The following ANO2 variants were observed in gnomAD, a reference collection of about 807,000 sequenced individuals.
ANO2 encodes anoctamin 2.
A neutral mutation model predicts 124.2 loss-of-function variants in ANO2; 101 were observed. The observed-to-expected ratio is 0.81, with a 90% CI of 0.69 to 0.96. The LOEUF is 0.96. Ranked by LOEUF, ANO2 falls within the 40% of genes least tolerant of loss-of-function variation. The probability of loss-of-function intolerance (pLI) is 0.00; values close to 1 mark genes in which losing one functional copy is unlikely to be tolerated. For missense variants in ANO2, 1,293 were observed against 1,274.5 expected (o/e 1.01, Z -0.22); for synonymous variants, 486 against 482.5 (o/e 1.01, Z -0.09).
chr12:5,707,633 C>G (rs948086675), intron 14 of ANO2, among the ~76,000 whole-genome samples: 1 of 152,144 alleles, frequency 6.6e-6, no homozygotes, highest in Admixed American at 6.5e-5. Context: ...TTCCCCACCC[C>G]CAGAGGATAC....
intron 3 of ANO2, 132 bp from the exon 4 acceptor site, chr12:5,854,273 T>C (rs373188971): frequency 4.0e-6 from 3 of 748,232 alleles, no homozygotes; most frequent in Non-Finnish European, 6.6e-6. Context: ...CTCTTTAAAA[T>C]TCACCAGGGA....
At chr12:5,659,845 G>T (rs1340495798) in intron 14 of ANO2, among the ~76,000 whole-genome samples, 1 of 152,148 alleles carries the variant, frequency 6.6e-6, no homozygotes, top group African/African-American at 2.4e-5. Context: ...CAGCTGTTCT[G>T]CTGTGTGCCC....
At chr12:5,758,817 T>G (rs1425725702) in intron 10 of ANO2, among the ~76,000 whole-genome samples, 2 of 152,176 alleles carry the variant, frequency 1.3e-5, no homozygotes, top group African/African-American at 4.8e-5. Flanking sequence ...TTATACACAA[T>G]GTATGGCATT....
intron 3 of ANO2, among the ~76,000 whole-genome samples, chr12:5,910,604 T>C (rs1009637409): frequency 6.6e-6 from 1 of 152,190 alleles, no homozygotes; most frequent in African/African-American, 2.4e-5. Context: ...GATGTAATTT[T>C]CTATCATTCA....
chr12:5,686,291 C>G (rs1253682440), intron 14 of ANO2, among the ~76,000 whole-genome samples: 2 of 152,220 alleles, frequency 1.3e-5, no homozygotes, highest in Non-Finnish European at 2.9e-5. Flanking sequence ...TCTTTAACCC[C>G]TATTTTCTGT....
At chr12:5,829,762 C>G (rs1260425861) in intron 6 of ANO2, among the ~76,000 whole-genome samples, 1 of 152,170 alleles carries the variant, frequency 6.6e-6, no homozygotes, top group African/African-American at 2.4e-5. Flanking sequence ...ACAGCTCATG[C>G]AGAGGCCACA....
At chr12:5,690,995 A>G (rs1415671794) in intron 14 of ANO2, among the ~76,000 whole-genome samples, 2 of 152,220 alleles carry the variant, frequency 1.3e-5, no homozygotes, top group Non-Finnish European at 2.9e-5. Context: ...CCCATCTCAC[A>G]GGAGCTTACA....
At chr12:5,938,612 G>A (rs1365960146) in intron 1 of ANO2, among the ~76,000 whole-genome samples, 3 of 152,040 alleles carry the variant, frequency 2.0e-5, no homozygotes, top group African/African-American at 7.2e-5. Context: ...CCTGAGGTCA[G>A]GAGTTCAAGA....
Position 5,563,378 on chromosome 12 carries a change from C to T in ANO2, c.2918G>A (p.Arg973Gln), listed in dbSNP as rs932573577. ...GCCTGAAGGTGCTGAGCTGGCTGCC[C>T]GGCTCCTGCTTCGATCCCCACCTCC... Reference protein sequence around the residue: ...SPGGGDRSRSRAASSAPSGQS... With the variant: ...SPGGGDRSRSQAASSAPSGQS... Residue 973 changes from arginine (R) to glutamine (Q), a missense_variant, in exon 25 of 25, where the codon CGG becomes CAG. Arg to Gln is a conservative substitution (Grantham distance 43). Transcript: ENST00000682330. 2.2e-5 allele frequency: 35 copies of T among 1,605,250 alleles called. No homozygotes were observed. The highest frequency in any genetic ancestry group is 3.4e-5 in the Admixed American group (2 of 58,980).
chr12:5,653,220 C>G (rs1296155760), intron 14 of ANO2, among the ~76,000 whole-genome samples: 1 of 152,208 alleles, frequency 6.6e-6, no homozygotes, highest in African/African-American at 2.4e-5. Context: ...GCCATCGTCA[C>G]TGGCCACTTC....
intron 14 of ANO2, among the ~76,000 whole-genome samples, chr12:5,709,200 G>A (rs1291233546): frequency 2.0e-5 from 3 of 152,212 alleles, no homozygotes; most frequent in African/African-American, 7.2e-5. Context: ...GAGCTCGATA[G>A]TTGTTCCCCT....
chr12:5,602,682 A>T (rs1944000194), intron 19 of ANO2, among the ~76,000 whole-genome samples: 1 of 152,168 alleles, frequency 6.6e-6, no homozygotes, highest in South Asian at 2.1e-4. Flanking sequence ...CCCACTCAGC[A>T]TAATGGTGAA....
chr12:5,638,251 T>TTTTTTTTTTTTG, intron 15 of ANO2, among the ~76,000 whole-genome samples: 1 of 146,830 alleles, frequency 6.8e-6, no homozygotes, highest in Non-Finnish European at 1.5e-5. Context: ...TTTTTTTTTT[T>TTTTTTTTTTTTG]TTGAGACGGA....
At chr12:5,751,717 T>A (rs1951446743) in intron 10 of ANO2, among the ~76,000 whole-genome samples, 1 of 152,216 alleles carries the variant, frequency 6.6e-6, no homozygotes, top group South Asian at 2.1e-4. Context: ...AAAATTATTT[T>A]CTCTTGTGTT....
chr12:5,721,093 C>T (rs898273890), intron 14 of ANO2, among the ~76,000 whole-genome samples: 2 of 152,152 alleles, frequency 1.3e-5, no homozygotes, highest in East Asian at 1.9e-4. Context: ...AGTAAAGCAA[C>T]GTCTCCTGGA....
intron 14 of ANO2, among the ~76,000 whole-genome samples, chr12:5,711,115 G>A (rs1320039018): frequency 6.7e-6 from 1 of 149,980 alleles, no homozygotes; most frequent in Admixed American, 6.7e-5. Context: ...CAGAGATCGC[G>A]CCACTGTACT....
At chr12:5,889,347 C>T (rs1223488283) in intron 3 of ANO2, among the ~76,000 whole-genome samples, 1 of 152,268 alleles carries the variant, frequency 6.6e-6, no homozygotes, top group African/African-American at 2.4e-5. Flanking sequence ...AAGTGGGAGC[C>T]GAGAGCGAGC....
intron 20 of ANO2, among the ~76,000 whole-genome samples, chr12:5,598,154 G>A (rs1591701021): frequency 6.6e-6 from 1 of 152,170 alleles, no homozygotes; most frequent in Non-Finnish European, 1.5e-5. Context: ...GAAATGATGA[G>A]TGAGGTAGCC....
chr12:5,712,666 T>C (rs1949860202), intron 14 of ANO2, among the ~76,000 whole-genome samples: 1 of 152,080 alleles, frequency 6.6e-6, no homozygotes, highest in Non-Finnish European at 1.5e-5. Context: ...GGGAGATGAA[T>C]ACAAGAGCCA....
Sources: gnomAD v4.1 joint callset for allele counts (sites outside exome capture counted in the v4.1 genomes callset) on GRCh38, gnomAD v4.1.1 for gene constraint, MANE v1.5 for transcripts, NCBI Gene and HGNC (gene_info 2026-07-23, HGNC 2026-07-21) for gene names.